The following ADGRL3 variants were observed in gnomAD, a reference collection of about 807,000 sequenced individuals.
ADGRL3 encodes adhesion G protein-coupled receptor L3, also known as calcium-independent alpha-latrotoxin receptor 3.
A neutral mutation model predicts 153.5 loss-of-function variants in ADGRL3; 62 were observed. The observed-to-expected ratio is 0.40, with a 90% confidence interval of 0.33 to 0.50. The LOEUF (loss-of-function observed/expected upper bound fraction) is 0.50. Ranked by LOEUF, ADGRL3 falls within the 20% of genes least tolerant of loss-of-function variation. The pLI, the probability that ADGRL3 is intolerant of heterozygous loss-of-function variation, is 0.47. For missense variants in ADGRL3, 1,641 were observed against 1,859.4 expected, an observed-to-expected ratio of 0.88 and a Z score of 2.16; for synonymous variants, 710 against 672.5, an observed-to-expected ratio of 1.06 and a Z score of -0.86.
chr4:61,614,718 G>A (rs116474644), intron 5 of ADGRL3, among the ~76,000 whole-genome samples: 74 of 152,252 alleles, frequency 4.9e-4, no homozygotes, highest in African/African-American at 1.8e-3. Context: ...TGACTTCCCT[G>A]TCTAAAATAG....
chr4:61,755,736 G>GT (rs1387467576), intron 8 of ADGRL3, among the ~76,000 whole-genome samples: 1 of 152,142 alleles, frequency 6.6e-6, no homozygotes, highest in African/African-American at 2.4e-5. Flanking sequence ...TTTATTCTAG[G>GT]TTTTTTATGG....
chr4:61,600,854 T>A (rs2099008823), intron 5 of ADGRL3, among the ~76,000 whole-genome samples: 1 of 152,238 alleles, frequency 6.6e-6, no homozygotes, highest in African/African-American at 2.4e-5. Context: ...ATGGTATATT[T>A]ACATTTGTGA....
intron 1 of ADGRL3, among the ~76,000 whole-genome samples, chr4:61,349,730 A>G (rs1434987269): frequency 6.6e-6 from 1 of 152,162 alleles, no homozygotes; most frequent in East Asian, 1.9e-4. Context: ...AGCACTCAAT[A>G]ACTGTTAGAT....
At chr4:61,983,851 A>T (rs2099076638) in intron 19 of ADGRL3, among the ~76,000 whole-genome samples, 1 of 152,120 alleles carries the variant, frequency 6.6e-6, no homozygotes, top group Admixed American at 6.5e-5. Context: ...TTATGAAGAG[A>T]TCATAATTTT....
chr4:61,527,113 A>C (rs1159722344), intron 4 of ADGRL3, among the ~76,000 whole-genome samples: 1 of 152,070 alleles, frequency 6.6e-6, no homozygotes, highest in Non-Finnish European at 1.5e-5. Context: ...ATACATTAGT[A>C]CTTTCGTAAT....
intron 1 of ADGRL3, among the ~76,000 whole-genome samples, chr4:61,276,426 A>G (rs898123916): frequency 6.6e-6 from 1 of 152,158 alleles, no homozygotes; most frequent in Admixed American, 6.5e-5. Context: ...ACAGCATTCA[A>G]TTCTGCTATA....
At chr4:61,404,448 C>T (rs2096968022) in intron 2 of ADGRL3, among the ~76,000 whole-genome samples, 1 of 151,806 alleles carries the variant, frequency 6.6e-6, no homozygotes, top group Non-Finnish European at 1.5e-5. Flanking sequence ...TTTTGCTGTA[C>T]AAAAATACAG....
intron 4 of ADGRL3, among the ~76,000 whole-genome samples, chr4:61,566,969 A>G (rs915372830): frequency 6.6e-6 from 1 of 152,168 alleles, no homozygotes; most frequent in African/African-American, 2.4e-5. Context: ...TAAGAACATT[A>G]TTAATCGTTT....
intron 17 of ADGRL3, among the ~76,000 whole-genome samples, chr4:61,964,781 T>C (rs1336804505): frequency 6.6e-6 from 1 of 152,054 alleles, no homozygotes; most frequent in African/African-American, 2.4e-5. Flanking sequence ...ATAATGGTTC[T>C]AATCATCCAA....
At chr4:61,489,294 C>T (rs1051169160) in intron 2 of ADGRL3, among the ~76,000 whole-genome samples, 7 of 151,866 alleles carry the variant, frequency 4.6e-5, no homozygotes, top group African/African-American at 1.7e-4. Context: ...GTCCTGTATT[C>T]ATGCTGCTTC....
intron 1 of ADGRL3, among the ~76,000 whole-genome samples, chr4:61,217,777 A>G (rs1185923914): frequency 6.6e-6 from 1 of 152,172 alleles, no homozygotes; most frequent in Non-Finnish European, 1.5e-5. Context: ...GTTCCTACTC[A>G]TTCTTACCCT....
chr4:61,339,891 A>G (rs1181701877), intron 1 of ADGRL3, among the ~76,000 whole-genome samples: 3 of 152,164 alleles, frequency 2.0e-5, no homozygotes, highest in Non-Finnish European at 1.5e-5. Flanking sequence ...GCCAGCTGGC[A>G]TATTTCTAGA....
intron 14 of ADGRL3, 135 bp downstream of exon 14, chr4:61,935,158 T>A (rs2098832898): frequency 1.4e-6 from 1 of 705,102 alleles, no homozygotes; most frequent in Admixed American, 2.9e-5. Flanking sequence ...TTTTCTAAAA[T>A]AAAGAGGGCA....
chr4:61,787,466 A>G (rs955195096), intron 8 of ADGRL3, among the ~76,000 whole-genome samples: 7 of 152,004 alleles, frequency 4.6e-5, no homozygotes, highest in Non-Finnish European at 7.4e-5. Context: ...ATATTATTGT[A>G]TGTTCTTTAC....
intron 1 of ADGRL3, among the ~76,000 whole-genome samples, chr4:61,301,236 A>G (rs764724492): frequency 6.6e-6 from 1 of 152,212 alleles, no homozygotes; most frequent in Non-Finnish European, 1.5e-5. Flanking sequence ...TGGGACTGCC[A>G]TTTTATTATA....
chr4:61,847,941 TATATATATAATATAAAATATA>T (rs1385464670), intron 9 of ADGRL3, among the ~76,000 whole-genome samples: 2 of 14,152 alleles, frequency 1.4e-4, no homozygotes, highest in African/African-American at 2.0e-4. Context: ...TAAAATATAT[TATATATATAATATAAAATATA>T]TTATATATAT....
At chr4:61,437,205 T>G (rs1269282593) in intron 2 of ADGRL3, among the ~76,000 whole-genome samples, 1 of 152,180 alleles carries the variant, frequency 6.6e-6, no homozygotes, top group Non-Finnish European at 1.5e-5. Flanking sequence ...TACAGAATGT[T>G]CAGATTAAAT....
chr4:61,217,336 T>G (rs1470118455), intron 1 of ADGRL3, among the ~76,000 whole-genome samples: 3 of 152,034 alleles, frequency 2.0e-5, no homozygotes, highest in Non-Finnish European at 2.9e-5. Context: ...ACATGTGAAC[T>G]GAGATAGGAA....
intron 4 of ADGRL3, among the ~76,000 whole-genome samples, chr4:61,519,813 G>C (rs1257396817): frequency 6.6e-6 from 1 of 151,898 alleles, no homozygotes; most frequent in Non-Finnish European, 1.5e-5. Flanking sequence ...ACAAAAACAA[G>C]TCTGTTCTAG....
Sources: gnomAD v4.1 joint callset for allele counts (sites outside exome capture counted in the v4.1 genomes callset) on GRCh38, gnomAD v4.1.1 for gene constraint, MANE v1.5 for transcripts, NCBI Gene and HGNC (gene_info 2026-07-23, HGNC 2026-07-21) for gene names.